ADAMTS12: variants seen among roughly 807,000 people sequenced by gnomAD.
ADAMTS12 encodes the protein A disintegrin and metalloproteinase with thrombospondin motifs 12.
In ADAMTS12, 118 loss-of-function variants were observed where a neutral mutation model predicts 167.8. The ratio of observed to expected loss-of-function variants is 0.70; its 90% CI spans 0.61 to 0.82. ADAMTS12 has a LOEUF of 0.82. Ranked by LOEUF, ADAMTS12 falls within the 40% of genes least tolerant of loss-of-function variation. The probability of loss-of-function intolerance (pLI) is 0.00; values close to 1 mark genes in which losing one functional copy is unlikely to be tolerated. For missense variants in ADAMTS12, 1,916 were observed against 1,998.8 expected (o/e 0.96, Z 0.79); for synonymous variants, 704 against 716.9 (o/e 0.98, Z 0.29).
intron 3 of ADAMTS12, among the ~76,000 whole-genome samples, chr5:33,718,935 T>A (rs1335632912): frequency 2.6e-5 from 4 of 152,148 alleles, no homozygotes; most frequent in African/African-American, 9.7e-5. Context: ...CTATGTTGTG[T>A]TAAACGCCAG....
intron 2 of ADAMTS12, among the ~76,000 whole-genome samples, chr5:33,764,938 G>A (rs563858612): frequency 2.0e-5 from 3 of 151,772 alleles, no homozygotes; most frequent in South Asian, 2.1e-4. Flanking sequence ...TTAAAGCAGC[G>A]CTATTCTGCA....
Position 33,881,178 on chromosome 5 carries a change from T to A in ADAMTS12, c.430A>T (p.Thr144Ser), listed in dbSNP as rs781579758. The A allele has an allele frequency of 3.7e-5, 59 of 1,614,022 alleles. No individual in the cohort carries two copies. In the East Asian group the frequency reaches 6.0e-4, roughly 16 times the overall value. Residue 144 changes from threonine to serine, a missense_variant, in exon 2 of 24, where the codon ACG becomes TCG. By Grantham distance (58) the Thr-to-Ser change is moderately conservative. Coordinates refer to ENST00000504830, the MANE Select transcript of ADAMTS12 (RefSeq NM_030955.4). ...SSAPLCHLSG[T>S]VLQQGTRVGT... Reference sequence around the variant, plus strand: ...ACTCTGGTGCCCTGCTGTAGAACCGTGCCACTGAGATGGCAGAGGGGGGCA... The same window carrying A: ...ACTCTGGTGCCCTGCTGTAGAACCGAGCCACTGAGATGGCAGAGGGGGGCA...
At chr5:33,735,978 A>C (rs1292038401) in intron 3 of ADAMTS12, among the ~76,000 whole-genome samples, 1 of 152,146 alleles carries the variant, frequency 6.6e-6, no homozygotes, top group Admixed American at 6.5e-5. Flanking sequence ...GTTTTCTTTG[A>C]GAATAAAGGA....
chr5:33,785,531 G>C (rs940901061), intron 2 of ADAMTS12, among the ~76,000 whole-genome samples: 1 of 152,014 alleles, frequency 6.6e-6, no homozygotes, highest in Admixed American at 6.6e-5. Context: ...CAAAAGATTT[G>C]AATAGGCACT....
intron 3 of ADAMTS12, among the ~76,000 whole-genome samples, chr5:33,704,650 G>C (rs924941073): frequency 5.3e-5 from 8 of 152,070 alleles, no homozygotes; most frequent in Non-Finnish European, 1.2e-4. Flanking sequence ...TGCCTTCTTT[G>C]AAGAAATTCC....
chr5:33,554,221 A>G (rs1444808493), intron 20 of ADAMTS12, among the ~76,000 whole-genome samples: 2 of 152,144 alleles, frequency 1.3e-5, no homozygotes, highest in African/African-American at 4.8e-5. Context: ...GGGACATTTG[A>G]AGTGGAGGTA....
rs78397484 is a variant in ADAMTS12 at position 33,533,899 on chromosome 5, C to G, written c.4606+934G>C. ...GTGCATGGTAGCTTCATCTACTCAGCTGCCCAAGTCAAAATTATGGGCATT... is the reference window on the plus strand; with the variant it reads ...GTGCATGGTAGCTTCATCTACTCAGGTGCCCAAGTCAAAATTATGGGCATT... On this transcript the variant is annotated intron_variant, in intron 23 of 23. Transcript: ENST00000504830. 1.4e-3 allele frequency among the ~76,000 whole-genome samples: 217 copies of G among 152,354 alleles called. 1 individual carries two copies. Among genetic ancestry groups the G allele is most frequent in the African/African-American group, 5.1e-3 (214 of 41,578 alleles).
intron 5 of ADAMTS12, among the ~76,000 whole-genome samples, chr5:33,676,609 A>G (rs1197340739): frequency 2.6e-5 from 4 of 151,374 alleles, no homozygotes; most frequent in South Asian, 2.1e-4. Flanking sequence ...GCTTGACCCC[A>G]GTAATTCAAA....
At chr5:33,881,658 G>A (rs1239308785) in intron 1 of ADAMTS12, among the ~76,000 whole-genome samples, 178 bp from the exon 2 acceptor site, 1 of 151,608 alleles carries the variant, frequency 6.6e-6, no homozygotes, top group Non-Finnish European at 1.5e-5. Context: ...TCCTCACTGG[G>A]TTCAAGCAAT....
intron 19 of ADAMTS12, among the ~76,000 whole-genome samples, chr5:33,574,200 G>A (rs1416233423): frequency 6.6e-6 from 1 of 151,706 alleles, no homozygotes; most frequent in Non-Finnish European, 1.5e-5. Flanking sequence ...GATTCCTCAG[G>A]GATCTAGAAC....
At chr5:33,807,451 C>T (rs1385554496) in intron 2 of ADAMTS12, among the ~76,000 whole-genome samples, 1 of 152,168 alleles carries the variant, frequency 6.6e-6, no homozygotes, top group Admixed American at 6.5e-5. Context: ...TCCTTGTTTT[C>T]CTCATCTATA....
intron 2 of ADAMTS12, among the ~76,000 whole-genome samples, chr5:33,764,793 T>A (rs144703936): frequency 1.7e-3 from 263 of 150,768 alleles, no homozygotes; most frequent in African/African-American, 6.2e-3. Flanking sequence ...AAGTGCTTTC[T>A]AAAATTTGAT....
At chr5:33,825,834 C>T (rs1010690307) in intron 2 of ADAMTS12, among the ~76,000 whole-genome samples, 8 of 152,164 alleles carry the variant, frequency 5.3e-5, no homozygotes, top group African/African-American at 1.4e-4. Context: ...TCAACTCCTC[C>T]GTGGAGACCT....
intron 23 of ADAMTS12, among the ~76,000 whole-genome samples, chr5:33,528,747 A>G (rs951438514): frequency 6.6e-6 from 1 of 152,314 alleles, no homozygotes; most frequent in South Asian, 2.1e-4. Context: ...CCCGTCAGCA[A>G]AATAACCAAT....
intron 2 of ADAMTS12, among the ~76,000 whole-genome samples, chr5:33,846,672 A>G (rs563464490): frequency 1.3e-5 from 2 of 152,258 alleles, no homozygotes; most frequent in South Asian, 2.1e-4. Flanking sequence ...GCTACATCTT[A>G]TATTTCTTTG....
chr5:33,576,422 G>A lies in ADAMTS12; in HGVS notation c.3604C>T (p.Pro1202Ser). The change falls in exon 19 of 24, where the codon CCA becomes TCA. Residue 1202 changes from proline (P) to serine (S), a missense_variant. Transcript: ENST00000504830. ...TEMPLAPPLT[P>S]DLSRESWWPP... Reference sequence around the variant, plus strand: ...CACCAGGACTCCCTGCTGAGATCTGGTGTTAGTGGAGGTGCAAGTGGCATT... The same window carrying A: ...CACCAGGACTCCCTGCTGAGATCTGATGTTAGTGGAGGTGCAAGTGGCATT... 6.2e-7 allele frequency: 1 copy of A among 1,613,024 alleles called. No individual in the cohort carries two copies. The highest frequency in any genetic ancestry group is 1.3e-5 in the African/African-American group (1 of 74,994).
At chr5:33,602,307 T>C (rs1238569590) in intron 16 of ADAMTS12, among the ~76,000 whole-genome samples, 1 of 152,218 alleles carries the variant, frequency 6.6e-6, no homozygotes, top group Non-Finnish European at 1.5e-5. Context: ...TCTTCATTAG[T>C]GAACTACAAC....
intron 3 of ADAMTS12, among the ~76,000 whole-genome samples, chr5:33,722,262 G>T (rs757723987): frequency 4.6e-5 from 7 of 152,146 alleles, no homozygotes; most frequent in African/African-American, 1.4e-4. Flanking sequence ...CAGTGATATA[G>T]ATCTTTCCAA....
chr5:33,709,145 A>G (rs1743300987), intron 3 of ADAMTS12, among the ~76,000 whole-genome samples: 2 of 152,208 alleles, frequency 1.3e-5, no homozygotes, highest in South Asian at 4.1e-4. Flanking sequence ...AATCGAAACC[A>G]CAATGAGATA....
Sources: allele counts gnomAD v4.1 joint callset (sites outside exome capture counted in the v4.1 genomes callset), GRCh38; gene constraint gnomAD v4.1.1; transcripts MANE v1.5; gene names NCBI Gene and HGNC (gene_info 2026-07-23, HGNC 2026-07-21).